Variants in SH3TC1 observed in about 807,000 individuals in gnomAD.
SH3TC1 encodes the protein SH3 domain and tetratricopeptide repeats 1.
Under a neutral mutation model 117.3 loss-of-function variants are expected in SH3TC1, and 135 were observed. That is an observed-to-expected ratio of 1.15 (90% CI 1.00 to 1.33). The LOEUF is 1.33. SH3TC1 is among the 40% of genes most tolerant of loss of function. The pLI, the probability that SH3TC1 is intolerant of heterozygous loss-of-function variation, is 0.00. For synonymous variants in SH3TC1, 898 were observed against 816.9 expected (o/e 1.10, Z -1.69); for missense variants, 2,092 against 1,794.3 (o/e 1.17, Z -3.00).
At position 8,233,380 on chromosome 4, in the gene SH3TC1, T is replaced by C. The variant is rs748768261; in HGVS notation, c.3149T>C (p.Leu1050Pro). The C allele has an allele frequency of 1.7e-5, 28 of 1,611,262 alleles. No homozygotes were observed. Among genetic ancestry groups the C allele is most frequent in the South Asian group, 2.2e-5 (2 of 90,542 alleles). ...LGTERAYKSA[L>P]DYTKRSLGIF... ...GATACCAGGGCCTACAAATCCGCAC[T>C]GGACTACACCAAACGAAGTCTGGGG... Residue 1050 changes from leucine (L) to proline (P), a missense_variant, in exon 14 of 18, where the codon CTG becomes CCG. Transcript: ENST00000245105.
intron 3 of SH3TC1, 95 bp from the exon 4 acceptor site, chr4:8,212,606 G>T (rs1718845536): frequency 2.6e-6 from 4 of 1,557,422 alleles, no homozygotes; most frequent in Non-Finnish European, 3.5e-6. Context: ...TCGGGGTCAG[G>T]TGTGTGGGTT....
rs767037295 is a variant in SH3TC1, at chr4:8,235,480, G to A, written c.3330G>A (p.Leu1110=). 3.1e-6 allele frequency: 5 copies of A among 1,604,052 alleles called. No individual in the cohort carries two copies. The highest frequency in any genetic ancestry group is 4.3e-6 in the Non-Finnish European group (5 of 1,174,334). ...ALYTGDPNLG[L]ELFEAAGDIF... is the part of the protein sequence containing the mutation. ...ACACAGGCGACCCCAACCTGGGGCT[G>A]GAGCTGTTTGAGGCGGCTGGAGACA... The change falls in exon 15 of 18, where the codon CTG becomes CTA. Residue 1110 remains leucine (L), a synonymous_variant. Transcript: ENST00000245105.
rs1721888931 is a variant in SH3TC1 at position 8,237,102 on chromosome 4, T to G, written c.3557-372T>G. On this transcript the variant is annotated intron_variant, in intron 16 of 17. Coordinates refer to ENST00000245105, the MANE Select transcript of SH3TC1 (RefSeq NM_018986.5). ...AGTGACTCCCCAAGGTAGGGGACTC[T>G]GATGATGACACACCCAGGAAGAGTT... 1.3e-5 allele frequency: 3 copies of G among 229,268 alleles called. No homozygotes were observed. In the Admixed American group the frequency reaches 1.7e-4, roughly 13 times the overall value. The allele number at this position is 229,268 out of a possible 1,614,324, so 14.2% of individuals were successfully genotyped here.
chr4:8,240,956 G>T lies in SH3TC1; in HGVS notation c.*1G>T. On this transcript the variant is annotated 3_prime_UTR_variant, in exon 18 of 18. Coordinates refer to ENST00000245105, the MANE Select transcript of SH3TC1 (RefSeq NM_018986.5). The stretch of plus-strand genomic sequence containing the variant: ...GTTGGCCCCCAGCCACCCTCGCTGA[G>T]GACAGCATCCAAGGGAGTGGGTTTT... 1 of 1,608,712 alleles carries T rather than the reference G, an allele frequency of 6.2e-7. No individual in the cohort carries two copies.
intron 15 of SH3TC1, 26 bp from the exon 16 acceptor site, chr4:8,236,252 C>A (rs967439978): frequency 2.0e-6 from 3 of 1,528,774 alleles, no homozygotes; most frequent in Admixed American, 2.0e-5. Context: ...CTGCGGGAAG[C>A]CTGACCCCAC....
chr4:8,209,561 A>G lies in SH3TC1; in HGVS notation c.173-187A>G. The G allele has an allele frequency of 1.5e-6, 2 of 1,352,308 alleles. No individual in the cohort carries two copies. The highest frequency in any genetic ancestry group is 2.5e-5 in the South Asian group (2 of 78,538). 83.8% of individuals were successfully genotyped at this position (1,352,308 alleles called of 1,614,324 possible). A position where few individuals can be genotyped will look rare whatever the true frequency, so the allele number is the denominator to read the frequency against. On this transcript the variant is annotated intron_variant, in intron 2 of 17. Coordinates refer to ENST00000245105, the MANE Select transcript of SH3TC1 (RefSeq NM_018986.5). This position sits in a 1 kb window ranked among gnomAD's most constrained non-coding sequence, Gnocchi z 5.9. ...GGGCAGCTTGTCACAGCATGCTGGG[A>G]AGTGCAGGCAGCTTCCCTCCTTGCT...
chr4:8,213,917 C>A (rs1382494724), intron 4 of SH3TC1, among the ~76,000 whole-genome samples: 1 of 151,574 alleles, frequency 6.6e-6, no homozygotes, highest in Non-Finnish European at 1.5e-5. Context: ...AGAAACGGGG[C>A]CTTATTTTTT....
chr4:8,202,340 C>T (rs1717893723), intron 1 of SH3TC1, among the ~76,000 whole-genome samples: 1 of 152,244 alleles, frequency 6.6e-6, no homozygotes, highest in Non-Finnish European at 1.5e-5. Flanking sequence ...AGGCCCCAGG[C>T]TGCACAGGGC....
chr4:8,233,309 G>A (rs1335744824), intron 13 of SH3TC1, 54 bp from the exon 14 acceptor site: 3 of 1,550,730 alleles, frequency 1.9e-6, no homozygotes, highest in African/African-American at 2.7e-5. Context: ...GGAGGAGGCA[G>A]ACTGGTTCCA....
chr4:8,214,595 C>T lies in SH3TC1; in HGVS notation c.481+15C>T, dbSNP rs1183736025. The T allele has an allele frequency of 4.3e-6, 7 of 1,609,326 alleles. No homozygotes were observed. The highest frequency in any genetic ancestry group is 1.3e-5 in the African/African-American group (1 of 74,832). ...CCATGCTCTCGGTAAAGAGGTGACC[C>T]TCCCAGAATTGGTCATGGGGACGCC... is the stretch of plus-strand genomic sequence containing the variant. On this transcript the variant is annotated intron_variant, in intron 5 of 17. Transcript: ENST00000245105.
Sources: gnomAD v4.1 joint callset for allele counts (sites outside exome capture counted in the v4.1 genomes callset) on GRCh38, gnomAD v4.1.1 for gene constraint, Gnocchi (gnomAD v3.1) non-coding constraint, MANE v1.5 for transcripts, NCBI Gene and HGNC (gene_info 2026-07-23, HGNC 2026-07-21) for gene names.